The following RASSF3 variants were observed in gnomAD, a reference collection of about 807,000 sequenced individuals.
RASSF3 encodes Ras association domain family member 3, also known as ras association domain-containing protein 3.
Under a neutral mutation model 19.9 loss-of-function variants are expected in RASSF3, and 19 were observed. The observed-to-expected ratio is 0.96, with a 90% CI of 0.67 to 1.40. RASSF3 has a LOEUF of 1.40. RASSF3 is among the 40% of genes most tolerant of loss of function. The pLI is 0.00. For synonymous variants in RASSF3, 110 were observed against 104.2 expected (o/e 1.06, Z -0.34); for missense variants, 306 against 289.8 (o/e 1.06, Z -0.41).
At chr12:64,656,276 G>T (rs914751709) in intron 1 of RASSF3, among the ~76,000 whole-genome samples, 6 of 152,098 alleles carry the variant, frequency 3.9e-5, no homozygotes, top group African/African-American at 1.4e-4. Context: ...AGATTATAAA[G>T]CTTAAAAACA....
chr12:64,527,476 T>G (rs1868612366), intron 1 of RASSF3, among the ~76,000 whole-genome samples: 1 of 152,206 alleles, frequency 6.6e-6, no homozygotes, highest in Non-Finnish European at 1.5e-5. Flanking sequence ...CCCAATCCAG[T>G]GTTTCCCAAA....
At chr12:64,580,374 C>T (rs556918368) in intron 2 of RASSF3, among the ~76,000 whole-genome samples, 1 of 152,186 alleles carries the variant, frequency 6.6e-6, no homozygotes, top group South Asian at 2.1e-4. Flanking sequence ...TTTTCTAGAA[C>T]TGCCATAACA....
rs3741747 is a variant in RASSF3, at chr12:64,610,536, T to C, written c.-97T>C. ...CAGCTGCATAAGGACTGCCCGGGGC[T>C]GCGCGCCGGGAACCTCGCGGGGCTG... is the stretch of plus-strand genomic sequence containing the variant. On this transcript the variant is annotated 5_prime_UTR_variant, in exon 1 of 5. Coordinates refer to ENST00000542104, the MANE Select transcript of RASSF3 (RefSeq NM_178169.4). The C allele has an allele frequency of 0.43, 196,852 of 460,394 alleles. 43,494 individuals carry two copies. Among genetic ancestry groups the C allele is most frequent in the African/African-American group, 0.53 (25,142 of 47,412 alleles). 28.5% of individuals were successfully genotyped at this position (460,394 alleles called of 1,614,324 possible).
At chr12:64,553,551 C>T (rs1163549663) in intron 2 of RASSF3, among the ~76,000 whole-genome samples, 1 of 152,168 alleles carries the variant, frequency 6.6e-6, no homozygotes, top group African/African-American at 2.4e-5. Flanking sequence ...ACAGAAATCA[C>T]CAAATCTCAG....
intron 1 of RASSF3, among the ~76,000 whole-genome samples, chr12:64,534,476 C>T (rs565433732): frequency 5.3e-5 from 8 of 152,208 alleles, no homozygotes; most frequent in South Asian, 2.1e-4. Flanking sequence ...GCCTGGGTAA[C>T]AGAGTGAGAT....
intron 2 of RASSF3, among the ~76,000 whole-genome samples, chr12:64,589,054 TAAAAC>T (rs1274687143): frequency 2.0e-5 from 3 of 152,164 alleles, no homozygotes; most frequent in African/African-American, 7.2e-5. Flanking sequence ...TTTTGAAAAA[TAAAAC>T]AAAGTATTCA....
At chr12:64,688,568 G>A in intron 3 of RASSF3, 115 bp downstream of exon 3, 1 of 760,186 alleles carries the variant, frequency 1.3e-6, no homozygotes, top group Non-Finnish European at 2.3e-6. Context: ...AGAGCCTGGA[G>A]TCCGATGCTG....
At chr12:64,643,591 C>T (rs1167701166) in intron 1 of RASSF3, among the ~76,000 whole-genome samples, 1 of 151,630 alleles carries the variant, frequency 6.6e-6, no homozygotes, top group Non-Finnish European at 1.5e-5. Context: ...AACCAAAAAC[C>T]CCAACAAAAC....
chr12:64,623,426 A>G (rs1254789037), intron 1 of RASSF3, among the ~76,000 whole-genome samples: 1 of 152,234 alleles, frequency 6.6e-6, no homozygotes, highest in Non-Finnish European at 1.5e-5. Context: ...TGCAGGTTTC[A>G]TGACATGCCA....
upstream of RASSF3, among the ~76,000 whole-genome samples, chr12:64,606,935 A>G (rs1407254057): frequency 6.6e-6 from 1 of 152,214 alleles, no homozygotes; most frequent in Non-Finnish European, 1.5e-5. Flanking sequence ...TTGAATTTTT[A>G]CAGATACAAT....
At chr12:64,597,885 T>G (rs756341063) in intron 2 of RASSF3, among the ~76,000 whole-genome samples, 30 of 152,046 alleles carry the variant, frequency 2.0e-4, no homozygotes, top group Non-Finnish European at 3.5e-4. Flanking sequence ...TCAAACTAAA[T>G]CCCACCTCCT....
At chr12:64,509,842 T>C (rs546477875) in intron 1 of RASSF3, among the ~76,000 whole-genome samples, 1 of 152,256 alleles carries the variant, frequency 6.6e-6, no homozygotes, top group Non-Finnish European at 1.5e-5. Context: ...ATCCCAGAAC[T>C]TTGCGAGGCC....
intron 2 of RASSF3, chr12:64,599,052 C>T (rs546941978): frequency 3.3e-5 from 5 of 152,210 alleles, no homozygotes; most frequent in South Asian, 4.2e-4. Context: ...TCTCTTGACG[C>T]GCTGAGGTTA....
chr12:64,508,881 C>T (rs577061593), intron 1 of RASSF3, among the ~76,000 whole-genome samples: 68 of 151,420 alleles, frequency 4.5e-4, no homozygotes, highest in Admixed American at 2.1e-3. Context: ...AGTGAAACTC[C>T]GTCTCAAAAA....
intron 1 of RASSF3, among the ~76,000 whole-genome samples, chr12:64,678,689 T>C (rs1297720111): frequency 8.3e-6 from 1 of 120,392 alleles, no homozygotes; most frequent in African/African-American, 3.0e-5. Flanking sequence ...CAAAAACCTC[T>C]TGTGGGGCTG....
At chr12:64,651,047 A>G (rs1871935038) in intron 1 of RASSF3, among the ~76,000 whole-genome samples, 1 of 152,174 alleles carries the variant, frequency 6.6e-6, no homozygotes, top group Admixed American at 6.6e-5. Flanking sequence ...TGCATTTGAT[A>G]TAAATAGATT....
chr12:64,661,060 G>A (rs1196106093), intron 1 of RASSF3, among the ~76,000 whole-genome samples: 1 of 152,190 alleles, frequency 6.6e-6, no homozygotes, highest in Non-Finnish European at 1.5e-5. Flanking sequence ...GGTGTTTTGT[G>A]GAAGGAAAGA....
chr12:64,660,097 C>T (rs1037589368), intron 1 of RASSF3, among the ~76,000 whole-genome samples: 4 of 145,216 alleles, frequency 2.8e-5, no homozygotes, highest in African/African-American at 4.9e-5. Context: ...TACACATACA[C>T]GCACACATAT....
At chr12:64,654,827 T>A (rs1461260846) in intron 1 of RASSF3, 1 of 152,132 alleles carries the variant, frequency 6.6e-6, no homozygotes, top group Admixed American at 6.6e-5. Flanking sequence ...ATCATGCCAC[T>A]GCACTCCAGC....
Sources: gnomAD v4.1 joint callset for allele counts (sites outside exome capture counted in the v4.1 genomes callset) on GRCh38, gnomAD v4.1.1 for gene constraint, MANE v1.5 for transcripts, NCBI Gene and HGNC (gene_info 2026-07-23, HGNC 2026-07-21) for gene names.